ZMIZ1: variants seen among roughly 807,000 people sequenced by gnomAD.
The protein encoded by ZMIZ1 is zinc finger MIZ domain-containing protein 1.
In ZMIZ1, 17 loss-of-function variants were observed where a neutral mutation model predicts 113.9. The ratio of observed to expected loss-of-function variants is 0.15; its 90% CI spans 0.10 to 0.22. The LOEUF is 0.22. Ranked by LOEUF, ZMIZ1 falls within the 10% of genes least tolerant of loss-of-function variation. The pLI, the probability that ZMIZ1 is intolerant of heterozygous loss-of-function variation, is 1.00. For missense variants in ZMIZ1, 1,059 were observed against 1,477.8 expected, an observed-to-expected ratio of 0.72 and a Z score of 4.65; for synonymous variants, 607 against 603.1, an observed-to-expected ratio of 1.01 and a Z score of -0.09.
intron 4 of ZMIZ1, among the ~76,000 whole-genome samples, chr10:79,194,929 G>C (rs697237): frequency 1.3e-5 from 2 of 151,968 alleles, no homozygotes; most frequent in Non-Finnish European, 2.9e-5. Context: ...TGGGAAGACC[G>C]AGCTGACCCC....
intron 7 of ZMIZ1, among the ~76,000 whole-genome samples, chr10:79,268,914 G>A (rs1324471957): frequency 1.3e-5 from 2 of 152,202 alleles, no homozygotes; most frequent in Non-Finnish European, 2.9e-5. Flanking sequence ...GGCTGCAGAA[G>A]GTGATTGGAT....
chr10:79,226,366 G>A lies in ZMIZ1; in HGVS notation c.280+10092G>A, dbSNP rs114526117. Among the ~76,000 whole-genome samples, 518 of 152,274 alleles carry A rather than the reference G, an allele frequency of 3.4e-3. 5 individuals are homozygous for A. The highest frequency in any genetic ancestry group is 0.012 in the African/African-American group (500 of 41,558). Reference sequence around the variant, plus strand: ...CTTCTCTGGAGATGCAGGGCCACAGGTATCACCATGCCTGCCTTCCCGAGC... The same window carrying A: ...CTTCTCTGGAGATGCAGGGCCACAGATATCACCATGCCTGCCTTCCCGAGC... On this transcript the variant is annotated intron_variant, in intron 7 of 24. Coordinates refer to ENST00000334512, the MANE Select transcript of ZMIZ1 (RefSeq NM_020338.4).
Position 79,080,976 on chromosome 10 carries a change from C to G in ZMIZ1, c.-337+11706C>G, listed in dbSNP as rs1348135448. Among the ~76,000 whole-genome samples the G allele has an allele frequency of 3.3e-5, 5 of 152,202 alleles. No homozygotes were observed. In the South Asian group the frequency reaches 1.0e-3, roughly 32 times the overall value. Reference sequence around the variant, plus strand: ...CCAAGACCATTAGGGACCTTGGCGCCCATCTCATCTGATGCCTGTCATACG... The same window carrying G: ...CCAAGACCATTAGGGACCTTGGCGCGCATCTCATCTGATGCCTGTCATACG... On this transcript the variant is annotated intron_variant, in intron 1 of 24. Transcript: ENST00000334512.
chr10:79,215,203 C>T (rs987030415), intron 6 of ZMIZ1, among the ~76,000 whole-genome samples: 36 of 151,976 alleles, frequency 2.4e-4, no homozygotes, highest in South Asian at 1.0e-3. Context: ...GTGCTTGGCA[C>T]GGAGCAGCAT....
chr10:79,178,116 C>T (rs948326180), intron 4 of ZMIZ1, among the ~76,000 whole-genome samples: 1 of 152,176 alleles, frequency 6.6e-6, no homozygotes, highest in African/African-American at 2.4e-5. Context: ...ATGCCCCCCA[C>T]CCTGCAGCAT....
At position 79,221,430 on chromosome 10, in the gene ZMIZ1, G is replaced by A. The variant is rs756051389; in HGVS notation, c.280+5156G>A. On this transcript the variant is annotated intron_variant, in intron 7 of 24. Coordinates refer to ENST00000334512, the MANE Select transcript of ZMIZ1 (RefSeq NM_020338.4). The stretch of plus-strand genomic sequence containing the variant: ...CTTTAGCCTCAGAGCGCACGTGCGC[G>A]GGCGGGATCCTCCTCCTCACCAGGC... 1.4e-4 allele frequency among the ~76,000 whole-genome samples: 21 copies of A among 152,222 alleles called. 1 individual carries two copies. Among genetic ancestry groups the A allele is most frequent in the South Asian group, 4.1e-4 (2 of 4,834 alleles).
At chr10:79,136,162 G>A (rs1845000171) in intron 2 of ZMIZ1, among the ~76,000 whole-genome samples, 1 of 152,190 alleles carries the variant, frequency 6.6e-6, no homozygotes, top group Non-Finnish European at 1.5e-5. Context: ...CCACTCTCAG[G>A]GGACCCTCAG....
intron 1 of ZMIZ1, among the ~76,000 whole-genome samples, chr10:79,100,065 G>A (rs1843306705): frequency 6.6e-6 from 1 of 152,138 alleles, no homozygotes; most frequent in South Asian, 2.1e-4. Flanking sequence ...CTTGTTGAAT[G>A]CTAGGCCCTG....
Position 79,306,321 on chromosome 10 carries a change from A to C in ZMIZ1, c.2645A>C (p.Asn882Thr), listed in dbSNP as rs777465092. The C allele has an allele frequency of 2.0e-5, 33 of 1,611,190 alleles. No individual in the cohort carries two copies. Among genetic ancestry groups the C allele is most frequent in the Non-Finnish European group, 1.0e-5 (12 of 1,179,954 alleles). Residue 882 changes from asparagine to threonine, a missense_variant, in exon 22 of 25, where the codon AAC becomes ACC. Around this residue, in one of 6 missense-constraint regions of ZMIZ1, gnomAD observed 225 missense variants for 276.0 expected, o/e 0.82. Coordinates refer to ENST00000334512, the MANE Select transcript of ZMIZ1 (RefSeq NM_020338.4). ...YPLPPPPGGT[N>T]SNDYSSQGNN... ...CTCCCGCCTCCCCCAGGGGGCACCA[A>C]CTCCAACGACTACAGCAGCCAAGGT...
chr10:79,103,197 A>C (rs528857277), intron 1 of ZMIZ1, among the ~76,000 whole-genome samples: 29 of 152,206 alleles, frequency 1.9e-4, no homozygotes, highest in African/African-American at 7.0e-4. Flanking sequence ...GCCCAGGGGT[A>C]GGAATATGCT....
intron 3 of ZMIZ1, among the ~76,000 whole-genome samples, chr10:79,144,044 C>A (rs1845382654): frequency 6.6e-6 from 1 of 152,198 alleles, no homozygotes; most frequent in African/African-American, 2.4e-5. Context: ...TCTGATGATG[C>A]ATGGCTCCGT....
At chr10:79,078,634 T>A (rs1355620597) in intron 1 of ZMIZ1, among the ~76,000 whole-genome samples, 1 of 132,952 alleles carries the variant, frequency 7.5e-6, no homozygotes, top group African/African-American at 2.8e-5. Context: ...AACCTCTGCC[T>A]CCTGGGCTCA....
chr10:79,113,277 G>A (rs1392259928), intron 1 of ZMIZ1, among the ~76,000 whole-genome samples: 1 of 152,222 alleles, frequency 6.6e-6, no homozygotes, highest in African/African-American at 2.4e-5. Context: ...GCTCTGCCAG[G>A]ACTGTCTGTG....
At chr10:79,304,468 G>C (rs1854546828) in intron 19 of ZMIZ1, among the ~76,000 whole-genome samples, 1 of 152,246 alleles carries the variant, frequency 6.6e-6, no homozygotes, top group Admixed American at 6.5e-5. Context: ...GGGGGCCCAA[G>C]AGCAGGGACA....
At chr10:79,109,255 C>G (rs988544244) in intron 1 of ZMIZ1, among the ~76,000 whole-genome samples, 3 of 152,164 alleles carry the variant, frequency 2.0e-5, no homozygotes, top group African/African-American at 7.2e-5. Flanking sequence ...TGTGCAAGTG[C>G]GCCTGTGTGC....
chr10:79,092,751 C>G lies in ZMIZ1; in HGVS notation c.-337+23481C>G, dbSNP rs1589261534. ...CAGATCCCTGATATCTCCCAGCAAG[C>G]CTTGCACAAGGCATGTGCCTTTAAG... On this transcript the variant is annotated intron_variant, in intron 1 of 24. Transcript: ENST00000334512. 2.6e-5 allele frequency among the ~76,000 whole-genome samples: 4 copies of G among 152,186 alleles called. No homozygotes were observed. The South Asian group carries it at 8.3e-4, about 32-fold the overall frequency.
At chr10:79,222,342 C>T (rs542269334) in intron 7 of ZMIZ1, among the ~76,000 whole-genome samples, 18 of 152,288 alleles carry the variant, frequency 1.2e-4, no homozygotes, top group African/African-American at 4.1e-4. Context: ...CTGGGACAGG[C>T]GCTGTGCCCT....
chr10:79,163,346 C>T (rs1280655104), intron 4 of ZMIZ1, among the ~76,000 whole-genome samples: 1 of 152,262 alleles, frequency 6.6e-6, no homozygotes, highest in Non-Finnish European at 1.5e-5. Context: ...TGCTGATTGG[C>T]TGCATGACCT....
chr10:79,212,766 A>G (rs1289683558), intron 6 of ZMIZ1, among the ~76,000 whole-genome samples: 1 of 152,004 alleles, frequency 6.6e-6, no homozygotes, highest in African/African-American at 2.4e-5. Flanking sequence ...AAAAAAAAAA[A>G]AAAGAAAAAA....
Sources: gnomAD v4.1 joint callset for allele counts (sites outside exome capture counted in the v4.1 genomes callset) on GRCh38, gnomAD v4.1.1 for gene constraint, gnomAD v4.1.1 regional missense constraint, MANE v1.5 for transcripts, NCBI Gene and HGNC (gene_info 2026-07-23, HGNC 2026-07-21) for gene names.